The following SAMMSON variants were observed in gnomAD, a reference collection of about 807,000 sequenced individuals.
SAMMSON encodes long intergenic non-protein coding RNA 1212.
rs1413016382 is a variant in SAMMSON, at chr3:70,414,823, A to G, written n.234-47737A>G. On this transcript the variant is annotated intron_variant and non_coding_transcript_variant, in intron 2 of 3. Coordinates refer to the SAMMSON transcript ENST00000641053. Reference sequence around the variant, plus strand: ...ACAACTTTTAGTATTAAAAGATGAAATCATTTAAATTGAAGTCTATGAAAA... The same window carrying G: ...ACAACTTTTAGTATTAAAAGATGAAGTCATTTAAATTGAAGTCTATGAAAA... Among the ~76,000 whole-genome samples, 15 of 152,326 alleles carry G rather than the reference A, an allele frequency of 9.8e-5. No individual in the cohort carries two copies. In the South Asian group the frequency reaches 2.1e-3, roughly 21 times the overall value.
rs143966766 is a variant in SAMMSON at position 70,034,811 on chromosome 3, T to G, written n.417+21139T>G. On this transcript the variant is annotated intron_variant and non_coding_transcript_variant, in intron 3 of 9. Transcript: ENST00000642114. ...GTGAGCCAAGATTGTGCTACTGCAC[T>G]GCAGCCTGGGTGACAGAGCAAGACT... 5.4e-4 allele frequency among the ~76,000 whole-genome samples: 82 copies of G among 152,272 alleles called. 1 individual carries two copies. The East Asian group carries it at 0.01, about 19-fold the overall frequency.
At chr3:70,235,693 G>A (rs1701600068) in intron 4 of SAMMSON, among the ~76,000 whole-genome samples, 1 of 152,172 alleles carries the variant, frequency 6.6e-6, no homozygotes, top group South Asian at 2.1e-4. Context: ...CAATGTGTAA[G>A]GGTTCTGGTG....
intron 4 of SAMMSON, among the ~76,000 whole-genome samples, chr3:70,160,927 C>A (rs1357678814): frequency 3.3e-5 from 5 of 151,838 alleles, no homozygotes; most frequent in African/African-American, 1.2e-4. Context: ...ATATCTTATT[C>A]TTTTTGATGC....
At chr3:70,304,404 G>A (rs6549334) in intron 7 of SAMMSON, among the ~76,000 whole-genome samples, 148,194 of 152,300 alleles carry the variant, frequency 0.97, 72,116 homozygotes, top group East Asian at 1. Flanking sequence ...CTATTGCCCA[G>A]TTGACAGTTT....
At chr3:70,154,754 A>T (rs2067585382) in intron 4 of SAMMSON, among the ~76,000 whole-genome samples, 2 of 152,088 alleles carry the variant, frequency 1.3e-5, no homozygotes, top group Non-Finnish European at 2.9e-5. Context: ...TAAGAAAGTT[A>T]ACCTGGTAAA....
At chr3:70,292,626 T>A (rs936182691) in intron 7 of SAMMSON, among the ~76,000 whole-genome samples, 6 of 152,144 alleles carry the variant, frequency 3.9e-5, no homozygotes, top group African/African-American at 1.4e-4. Context: ...TTTTTCTCTA[T>A]GAAAAATAAC....
At chr3:70,417,840 G>C (rs1701278350) in intron 2 of SAMMSON, among the ~76,000 whole-genome samples, 1 of 152,122 alleles carries the variant, frequency 6.6e-6, no homozygotes, top group African/African-American at 2.4e-5. Flanking sequence ...CTGGGTTAAA[G>C]CCAGGCTGGG....
intron 2 of SAMMSON, among the ~76,000 whole-genome samples, chr3:70,433,228 A>T (rs1701430007): frequency 6.6e-6 from 1 of 152,148 alleles, no homozygotes; most frequent in Non-Finnish European, 1.5e-5. Context: ...TTTGGTAAGA[A>T]GTTGCTAAGC....
chr3:70,319,993 G>A (rs1702525074), intron 7 of SAMMSON, among the ~76,000 whole-genome samples: 1 of 151,966 alleles, frequency 6.6e-6, no homozygotes, highest in African/African-American at 2.4e-5. Flanking sequence ...GAAAATTTCT[G>A]CATCCAACAT....
intron 7 of SAMMSON, among the ~76,000 whole-genome samples, chr3:70,293,045 C>CAAAAA (rs55990203): frequency 4.0e-5 from 3 of 74,818 alleles, no homozygotes; most frequent in Non-Finnish European, 5.9e-5. Context: ...TGGTTTGAAG[C>CAAAAA]AAAAAAAAAA....
chr3:70,255,886 A>C (rs1427499107), intron 6 of SAMMSON, among the ~76,000 whole-genome samples: 7 of 152,170 alleles, frequency 4.6e-5, no homozygotes, highest in African/African-American at 1.7e-4. Flanking sequence ...TTAGGTGCAA[A>C]CTGTGTGGAT....
chr3:70,193,009 GTC>G (rs1167297658), intron 4 of SAMMSON, among the ~76,000 whole-genome samples: 1 of 152,142 alleles, frequency 6.6e-6, no homozygotes, highest in African/African-American at 2.4e-5. Context: ...TCTAGTAGCA[GTC>G]TCCTGCCCTC....
intron 7 of SAMMSON, among the ~76,000 whole-genome samples, chr3:70,299,562 A>G (rs1002512151): frequency 2.6e-5 from 4 of 152,130 alleles, no homozygotes; most frequent in African/African-American, 4.8e-5. Flanking sequence ...TATCCAGTCC[A>G]TGGCCAAGGC....
At chr3:70,043,060 C>T (rs2067111649) in intron 3 of SAMMSON, among the ~76,000 whole-genome samples, 1 of 152,058 alleles carries the variant, frequency 6.6e-6, no homozygotes, top group African/African-American at 2.4e-5. Flanking sequence ...ATATCATGCA[C>T]CCCAAGGAAG....
chr3:70,287,484 A>C (rs1189000008), intron 6 of SAMMSON, among the ~76,000 whole-genome samples: 1 of 151,968 alleles, frequency 6.6e-6, no homozygotes, highest in Non-Finnish European at 1.5e-5. Context: ...GGATTTTTGC[A>C]TCAATGTTCA....
intron 4 of SAMMSON, among the ~76,000 whole-genome samples, chr3:70,210,820 A>G (rs1576156406): frequency 6.6e-6 from 1 of 152,122 alleles, no homozygotes; most frequent in South Asian, 2.1e-4. Flanking sequence ...AGTTTGGGCT[A>G]CAGGTAATTG....
At chr3:70,380,641 A>G (rs529078418) in intron 9 of SAMMSON, among the ~76,000 whole-genome samples, 1 of 152,138 alleles carries the variant, frequency 6.6e-6, no homozygotes, top group Admixed American at 6.6e-5. Flanking sequence ...TGCTGCACCT[A>G]TTAACTCGTC....
At chr3:70,124,997 A>T in intron 4 of SAMMSON, 1 of 663,772 alleles carries the variant, frequency 1.5e-6, no homozygotes, top group Non-Finnish European at 2.7e-6. Flanking sequence ...CCAGGTGGTC[A>T]ATTTCTTCCT....
chr3:70,223,414 A>C (rs918616577), intron 4 of SAMMSON, among the ~76,000 whole-genome samples: 1 of 152,318 alleles, frequency 6.6e-6, no homozygotes, highest in East Asian at 1.9e-4. Flanking sequence ...ACTCATATCC[A>C]GTATTTTGAG....
Sources: allele counts gnomAD v4.1 joint callset (sites outside exome capture counted in the v4.1 genomes callset), GRCh38; gene constraint gnomAD v4.1.1; transcripts MANE v1.5; gene names NCBI Gene and HGNC (gene_info 2026-07-23, HGNC 2026-07-21).